The following MSRB3 variants were observed in gnomAD, a reference collection of about 807,000 sequenced individuals.
MSRB3 encodes methionine sulfoxide reductase B3.
Under a neutral mutation model 21.0 loss-of-function variants are expected in MSRB3, and 13 were observed. That is an observed-to-expected ratio of 0.62 (90% CI 0.40 to 0.98). The LOEUF (loss-of-function observed/expected upper bound fraction) is 0.98, where lower values mean the gene tolerates loss of function less well. MSRB3 is among the 50% of genes least tolerant of loss of function. The probability of loss-of-function intolerance (pLI) is 0.00; values close to 1 mark genes in which losing one functional copy is unlikely to be tolerated. For synonymous variants in MSRB3, 87 were observed against 88.6 expected (o/e 0.98, Z 0.10); for missense variants, 199 against 230.3 (o/e 0.86, Z 0.88).
chr12:65,278,880 C>T lies in MSRB3; in HGVS notation c.-52+15C>T, dbSNP rs112480936. ...TGCGCAGTCCGGTAAGTTCGGGCTC[C>T]CCTCCCCTCTCCTCCTCGCCTCACC... On this transcript the variant is annotated intron_variant, in intron 1 of 6. Transcript: ENST00000308259. 43 of 1,552,192 alleles carry T rather than the reference C, an allele frequency of 2.8e-5. No individual in the cohort carries two copies. Among genetic ancestry groups the T allele is most frequent in the Middle Eastern group, 1.7e-4 (1 of 6,012 alleles).
chr12:65,280,580 T>C (rs1161181973), intron 1 of MSRB3, among the ~76,000 whole-genome samples: 1 of 152,224 alleles, frequency 6.6e-6, no homozygotes, highest in Non-Finnish European at 1.5e-5. Context: ...ATTCTTTTAA[T>C]TCCGGTCCCA....
chr12:65,398,557 T>G (rs1015958655), intron 5 of MSRB3, among the ~76,000 whole-genome samples: 4 of 152,232 alleles, frequency 2.6e-5, no homozygotes, highest in African/African-American at 4.8e-5. Flanking sequence ...TTCTGTAGGT[T>G]GCCTGTTCAC....
chr12:65,410,527 A>G (rs1334256270), intron 5 of MSRB3, among the ~76,000 whole-genome samples: 1 of 152,020 alleles, frequency 6.6e-6, no homozygotes, highest in Non-Finnish European at 1.5e-5. Context: ...ACCTATAGTC[A>G]CAGCTACTTG....
intron 1 of MSRB3, among the ~76,000 whole-genome samples, chr12:65,288,040 C>G (rs1872475513): frequency 6.6e-6 from 1 of 152,030 alleles, no homozygotes; most frequent in East Asian, 1.9e-4. Context: ...CATGGTGGCT[C>G]TTGCCTGTAA....
At chr12:65,442,354 TG>T (rs1365755432) in intron 5 of MSRB3, among the ~76,000 whole-genome samples, 2 of 152,008 alleles carry the variant, frequency 1.3e-5, no homozygotes, top group Non-Finnish European at 2.9e-5. Context: ...AACCAAAAAA[TG>T]TAAGTAATAG....
At chr12:65,425,553 A>G (rs1226599332) in intron 5 of MSRB3, among the ~76,000 whole-genome samples, 1 of 152,020 alleles carries the variant, frequency 6.6e-6, no homozygotes, top group Non-Finnish European at 1.5e-5. Flanking sequence ...TATGAGACTT[A>G]TATAAAACAT....
chr12:65,310,659 G>T (rs1371397501), intron 2 of MSRB3, among the ~76,000 whole-genome samples: 1 of 152,180 alleles, frequency 6.6e-6, no homozygotes, highest in East Asian at 1.9e-4. Flanking sequence ...GACAGTCATG[G>T]ATTAAAGGGT....
rs563785309 is a variant in MSRB3 at position 65,391,449 on chromosome 12, C to A, written c.292+22423C>A. On this transcript the variant is annotated intron_variant, in intron 5 of 6. Transcript: ENST00000308259. ...GCTGCTGTTGGTTAAACAGAGATAT[C>A]CAGGATATGTGCTTCTGGTTGTAGA... Among the ~76,000 whole-genome samples the A allele has an allele frequency of 2.3e-4, 35 of 152,284 alleles. No homozygotes were observed. In the South Asian group the frequency reaches 6.8e-3, roughly 30 times the overall value.
At chr12:65,299,982 A>G (rs1449040375) in intron 1 of MSRB3, among the ~76,000 whole-genome samples, 2 of 152,184 alleles carry the variant, frequency 1.3e-5, no homozygotes, top group African/African-American at 2.4e-5. Context: ...TTCCAGGGTC[A>G]TGATCTCAGC....
chr12:65,377,592 G>A (rs890645619), intron 5 of MSRB3, among the ~76,000 whole-genome samples: 8 of 152,304 alleles, frequency 5.3e-5, no homozygotes, highest in South Asian at 4.1e-4. Flanking sequence ...AAGCCACAGC[G>A]CCTGGTCTAT....
At chr12:65,427,762 C>G (rs1225897426) in intron 5 of MSRB3, among the ~76,000 whole-genome samples, 1 of 152,202 alleles carries the variant, frequency 6.6e-6, no homozygotes, top group African/African-American at 2.4e-5. Context: ...AAAACTAGAG[C>G]ACAAATGTGT....
chr12:65,328,217 A>G (rs1241538750), intron 3 of MSRB3, among the ~76,000 whole-genome samples: 7 of 151,974 alleles, frequency 4.6e-5, no homozygotes, highest in Non-Finnish European at 8.8e-5. Flanking sequence ...ATCTTATGTA[A>G]TGTTCTTTCT....
At chr12:65,341,423 G>T (rs931012415) in intron 4 of MSRB3, among the ~76,000 whole-genome samples, 96 of 151,948 alleles carry the variant, frequency 6.3e-4, no homozygotes, top group African/African-American at 2.3e-3. Flanking sequence ...CAGTTGGGGG[G>T]AAGGGAGGAT....
At chr12:65,320,026 A>G (rs1018076579) in intron 2 of MSRB3, among the ~76,000 whole-genome samples, 5 of 152,168 alleles carry the variant, frequency 3.3e-5, no homozygotes, top group Non-Finnish European at 7.4e-5. Context: ...GTTTAATTCA[A>G]GAAGTTTACA....
chr12:65,378,347 T>A (rs1239805611), intron 5 of MSRB3, among the ~76,000 whole-genome samples: 1 of 152,090 alleles, frequency 6.6e-6, no homozygotes, highest in Non-Finnish European at 1.5e-5. Context: ...GTATAATAGG[T>A]CACCTCAAAA....
At chr12:65,450,489 C>T (rs1882809355) in intron 5 of MSRB3, among the ~76,000 whole-genome samples, 1 of 152,090 alleles carries the variant, frequency 6.6e-6, no homozygotes, top group African/African-American at 2.4e-5. Flanking sequence ...TAGGCCTAAT[C>T]CAATCTCATC....
chr12:65,456,983 T>C (rs1883117265), intron 6 of MSRB3, among the ~76,000 whole-genome samples: 1 of 152,164 alleles, frequency 6.6e-6, no homozygotes, highest in East Asian at 1.9e-4. Flanking sequence ...TTTTGTTTTA[T>C]AATTTTCTTT....
At chr12:65,405,290 A>G (rs769046903) in intron 5 of MSRB3, among the ~76,000 whole-genome samples, 14 of 152,006 alleles carry the variant, frequency 9.2e-5, no homozygotes, top group Non-Finnish European at 1.9e-4. Context: ...AAGATTCCAC[A>G]TATAAGTGAG....
intron 1 of MSRB3, among the ~76,000 whole-genome samples, chr12:65,299,175 T>C (rs1435548271): frequency 6.6e-6 from 1 of 152,226 alleles, no homozygotes; most frequent in African/African-American, 2.4e-5. Flanking sequence ...GTGCTATTTA[T>C]TGATGCATCA....
Sources: gnomAD v4.1 joint callset for allele counts (sites outside exome capture counted in the v4.1 genomes callset) on GRCh38, gnomAD v4.1.1 for gene constraint, MANE v1.5 for transcripts, NCBI Gene and HGNC (gene_info 2026-07-23, HGNC 2026-07-21) for gene names.